PTAR1: variants seen among roughly 807,000 people sequenced by gnomAD.
PTAR1 encodes the protein protein prenyltransferase alpha subunit repeat containing 1, also known as protein prenyltransferase alpha subunit repeat-containing protein 1.
Under a neutral mutation model 45.5 loss-of-function variants are expected in PTAR1, and 17 were observed. The ratio of observed to expected loss-of-function variants is 0.37; its 90% CI spans 0.26 to 0.56. The LOEUF is 0.56. Among genes scored for constraint, PTAR1 ranks in the 20% least tolerant of loss-of-function variants. The pLI, the probability that PTAR1 is intolerant of heterozygous loss-of-function variation, is 0.77. For missense variants in PTAR1, 391 were observed against 476.3 expected (o/e 0.82, Z 1.67); for synonymous variants, 169 against 171.3 (o/e 0.99, Z 0.11).
chr9:69,734,258 TAAAAAAA>T lies in PTAR1; in HGVS notation c.324-11_324-5del, dbSNP rs398010830. On this transcript the variant is annotated splice_polypyrimidine_tract_variant and splice_region_variant and intron_variant, in intron 3 of 7. Transcript: ENST00000340434. Reference sequence around the variant, plus strand: ...GCCAGAGAGGATCAGCTCTTTCCTGTAAAAAAAAAAAAAAAAAAAAAAAAAAATTAAA... The same window carrying T: ...GCCAGAGAGGATCAGCTCTTTCCTGTAAAAAAAAAAAAAAAAAAAATTAAA... 81 of 207,584 alleles carry T rather than the reference TAAAAAAA, an allele frequency of 3.9e-4. No homozygotes were observed. Among genetic ancestry groups the T allele is most frequent in the Middle Eastern group, 1.6e-3 (1 of 636 alleles). The allele number at this position is 207,584 out of a possible 1,614,324, so 12.9% of individuals were successfully genotyped here. A position where few individuals can be genotyped will look rare whatever the true frequency, so the allele number is the denominator to read the frequency against.
In PTAR1 at chr9:69,712,455, A is replaced by G. The variant is rs916823644; in HGVS notation, c.*5887T>C. On this transcript the variant is annotated 3_prime_UTR_variant, in exon 8 of 8. Transcript: ENST00000340434. ...TTCACTTGCAATGTTGTGCAACTGT[A>G]TATCTTTGCCTTATGCATTTGAAAC... The G allele has an allele frequency of 2.0e-5, 3 of 152,174 alleles. No homozygotes were observed. Among genetic ancestry groups the G allele is most frequent in the Admixed American group, 6.5e-5 (1 of 15,268 alleles). The allele number at this position is 152,174 out of a possible 1,614,324, so 9.4% of individuals were successfully genotyped here.
At chr9:69,733,714 A>C (rs545652815) in intron 4 of PTAR1, among the ~76,000 whole-genome samples, 2 of 152,288 alleles carry the variant, frequency 1.3e-5, no homozygotes, top group African/African-American at 2.4e-5. Context: ...ATCACCACCA[A>C]CATCTTTACC....
intron 5 of PTAR1, among the ~76,000 whole-genome samples, chr9:69,729,604 T>C (rs1825443637): frequency 6.6e-6 from 1 of 152,202 alleles, no homozygotes; most frequent in Non-Finnish European, 1.5e-5. Context: ...GAATCCTCCC[T>C]TTCAATTTGC....
intron 2 of PTAR1, among the ~76,000 whole-genome samples, chr9:69,748,538 C>T (rs1046054508): frequency 1.3e-5 from 2 of 152,084 alleles, no homozygotes; most frequent in Non-Finnish European, 2.9e-5. Context: ...GAGTAAAGGT[C>T]ACCTTCAGTT....
Position 69,712,572 on chromosome 9 carries a change from T to C in PTAR1, c.*5770A>G, listed in dbSNP as rs1365434191. The C allele has an allele frequency of 1.3e-5, 2 of 152,178 alleles. No individual in the cohort carries two copies. Among genetic ancestry groups the C allele is most frequent in the African/African-American group, 4.8e-5 (2 of 41,442 alleles). 9.4% of individuals were successfully genotyped at this position (152,178 alleles called of 1,614,324 possible). A position where few individuals can be genotyped will look rare whatever the true frequency, so the allele number is the denominator to read the frequency against. Reference sequence around the variant, plus strand: ...GATAGCTAAGCTAGTTTTATCTTTCTAGCTTTTATCAACTCTTGACTTGTT... The same window carrying C: ...GATAGCTAAGCTAGTTTTATCTTTCCAGCTTTTATCAACTCTTGACTTGTT... On this transcript the variant is annotated 3_prime_UTR_variant, in exon 8 of 8. Coordinates refer to ENST00000340434, the MANE Select transcript of PTAR1 (RefSeq NM_001099666.2).
chr9:69,723,654 TAAG>T (rs756401162), intron 5 of PTAR1, 24 bp from the exon 6 acceptor site: 15 of 1,550,400 alleles, frequency 9.7e-6, no homozygotes, highest in Admixed American at 1.8e-5. Context: ...AAAAGGGAAG[TAAG>T]AAGAAGAGTT....
intron 1 of PTAR1, among the ~76,000 whole-genome samples, chr9:69,759,549 T>A (rs557576327): frequency 2.6e-5 from 4 of 152,300 alleles, no homozygotes; most frequent in African/African-American, 9.6e-5. Flanking sequence ...GATGTCGACC[T>A]ACGGGGGACG....
At chr9:69,744,241 T>C (rs1826170610) in intron 2 of PTAR1, among the ~76,000 whole-genome samples, 1 of 152,156 alleles carries the variant, frequency 6.6e-6, no homozygotes. Context: ...CCTACCCGCC[T>C]ACCTTCTTTT....
In PTAR1 at chr9:69,723,352, T is replaced by C. The variant is rs1825116912; in HGVS notation, c.921A>G (p.Pro307=). ...TATGACACCAAAGGGTTTCATGTCC[T>C]GGGTAGGAATCAATAAGATCAGTGC... ...EFSTDLIDSY[P]GHETLWCHRR... is the part of the protein sequence containing the mutation. The change falls in exon 6 of 8, where the codon CCA becomes CCG. Residue 307 remains proline, a synonymous_variant. Transcript: ENST00000340434. 2 of 1,613,646 alleles carry C rather than the reference T, an allele frequency of 1.2e-6. No homozygotes were observed. The highest frequency in any genetic ancestry group is 1.1e-5 in the South Asian group (1 of 91,080).
chr9:69,739,860 C>G (rs1425019389), intron 3 of PTAR1, among the ~76,000 whole-genome samples: 1 of 152,054 alleles, frequency 6.6e-6, no homozygotes, highest in East Asian at 1.9e-4. Context: ...AGCACAAAAC[C>G]TTACTAATCA....
chr9:69,724,969 C>T (rs1350451327), intron 5 of PTAR1, among the ~76,000 whole-genome samples: 1 of 152,146 alleles, frequency 6.6e-6, no homozygotes, highest in African/African-American at 2.4e-5. Context: ...GAGGCTATAG[C>T]TGGCAAGTAT....
rs1824489392 is a variant in PTAR1 at position 69,710,639 on chromosome 9, G to C, written c.*7703C>G. 1 of 152,056 alleles carries C rather than the reference G, an allele frequency of 6.6e-6. No individual in the cohort carries two copies. Among genetic ancestry groups the C allele is most frequent in the African/African-American group, 2.4e-5 (1 of 41,420 alleles). The allele number at this position is 152,056 out of a possible 1,614,324, so 9.4% of individuals were successfully genotyped here. A position where few individuals can be genotyped will look rare whatever the true frequency, so the allele number is the denominator to read the frequency against. The stretch of plus-strand genomic sequence containing the variant: ...GGGTAAAAAGAATTCACAAAATATT[G>C]AATCCTTAACAAATGTCAATTAGTA... On this transcript the variant is annotated 3_prime_UTR_variant, in exon 8 of 8. Transcript: ENST00000340434.
At chr9:69,737,537 TAAA>T (rs1454061392) in intron 3 of PTAR1, among the ~76,000 whole-genome samples, 1 of 152,196 alleles carries the variant, frequency 6.6e-6, no homozygotes, top group Non-Finnish European at 1.5e-5. Flanking sequence ...GCTACAGAAC[TAAA>T]AACAACTAGG....
Position 69,759,921 on chromosome 9 carries a change from C to T in PTAR1, c.18G>A (p.Glu6=), listed in dbSNP as rs868784855. Reference sequence around the variant, plus strand: ...CCCGCTGCACCAGCACCGCCACCTCCTCGCTGGTCTCGGCCATGTTGGCGG... The same window carrying T: ...CCCGCTGCACCAGCACCGCCACCTCTTCGCTGGTCTCGGCCATGTTGGCGG... MAETS[E]EVAVLVQRVV... Residue 6 remains glutamate (E), a synonymous_variant, in exon 1 of 8, where the codon GAG becomes GAA. Transcript: ENST00000340434. 2.0e-6 allele frequency: 3 copies of T among 1,517,410 alleles called. No homozygotes were observed. The highest frequency in any genetic ancestry group is 2.6e-6 in the Non-Finnish European group (3 of 1,132,872). The allele number at this position is 1,517,410 out of a possible 1,614,324, so 94.0% of individuals were successfully genotyped here.
At chr9:69,753,267 A>T (rs1253865738) in intron 1 of PTAR1, among the ~76,000 whole-genome samples, 1 of 152,134 alleles carries the variant, frequency 6.6e-6, no homozygotes, top group Non-Finnish European at 1.5e-5. Flanking sequence ...ACAATTAAAA[A>T]ACACACTGCT....
chr9:69,745,945 C>A (rs529418071), intron 2 of PTAR1, among the ~76,000 whole-genome samples: 2 of 152,288 alleles, frequency 1.3e-5, no homozygotes, highest in East Asian at 3.9e-4. Flanking sequence ...GCTGGCTAAG[C>A]AGTGACTGCT....
intron 5 of PTAR1, among the ~76,000 whole-genome samples, chr9:69,728,905 A>T (rs1564131700): frequency 1.3e-5 from 2 of 152,200 alleles, no homozygotes; most frequent in South Asian, 4.1e-4. Context: ...ACAAGAAAAA[A>T]ATCTATAGCA....
At chr9:69,727,036 C>G (rs1291368947) in intron 5 of PTAR1, among the ~76,000 whole-genome samples, 2 of 150,632 alleles carry the variant, frequency 1.3e-5, no homozygotes, top group East Asian at 1.9e-4. Flanking sequence ...TACACACACA[C>G]ACACACACAC....
At chr9:69,744,774 T>C (rs116615193) in intron 2 of PTAR1, among the ~76,000 whole-genome samples, 1,651 of 152,330 alleles carry the variant, frequency 0.011, 34 homozygotes, top group African/African-American at 0.036. Context: ...GCAGGTCCTC[T>C]CTAATACATG....
Sources: allele counts gnomAD v4.1 joint callset (sites outside exome capture counted in the v4.1 genomes callset), GRCh38; gene constraint gnomAD v4.1.1; transcripts MANE v1.5; gene names NCBI Gene and HGNC (gene_info 2026-07-23, HGNC 2026-07-21).